The following FANCD2OS variants were observed in gnomAD, a reference collection of about 807,000 sequenced individuals.
FANCD2OS encodes FANCD2 opposite strand, also known as FANCD2 opposite strand protein.
In FANCD2OS, 11 loss-of-function variants were observed where a neutral mutation model predicts 13.2. That is an observed-to-expected ratio of 0.83 (90% CI 0.52 to 1.38). The LOEUF (loss-of-function observed/expected upper bound fraction) is 1.38. Among genes scored for constraint, FANCD2OS ranks in the 40% most tolerant of loss-of-function variants. The pLI is 0.00. For synonymous variants in FANCD2OS, 69 were observed against 84.5 expected, an observed-to-expected ratio of 0.82 and a Z score of 1.01; for missense variants, 217 against 213.9, an observed-to-expected ratio of 1.01 and a Z score of -0.09.
intron 2 of FANCD2OS, chr3:10,088,567 G>C: frequency 6.8e-7 from 1 of 1,462,448 alleles, no homozygotes; most frequent in Non-Finnish European, 9.6e-7. Context: ...TTCTTCCAAT[G>C]AGCCAAATAG....
intron 1 of FANCD2OS, among the ~76,000 whole-genome samples, chr3:10,105,541 A>G (rs1451938674): frequency 1.3e-5 from 2 of 151,488 alleles, no homozygotes; most frequent in African/African-American, 4.8e-5. Context: ...ACTTGAGGTC[A>G]GAGTTCCAGA....
At chr3:10,089,867 C>G (rs1694478634) in intron 2 of FANCD2OS, among the ~76,000 whole-genome samples, 1 of 152,182 alleles carries the variant, frequency 6.6e-6, no homozygotes, top group South Asian at 2.1e-4. Flanking sequence ...CATTTGTAGT[C>G]TTTTCAGTTT....
chr3:10,097,545 G>A (rs962930279), intron 2 of FANCD2OS, among the ~76,000 whole-genome samples: 5 of 152,324 alleles, frequency 3.3e-5, no homozygotes, highest in South Asian at 2.1e-4. Flanking sequence ...GCTCACCGGC[G>A]GTCAGAGTTT....
chr3:10,092,648 G>GCCT (rs1694712337), intron 2 of FANCD2OS, among the ~76,000 whole-genome samples: 1 of 143,142 alleles, frequency 7.0e-6, no homozygotes, highest in Admixed American at 7.0e-5. Flanking sequence ...TGTTCCCCCA[G>GCCT]CCTAGAATGT....
At chr3:10,107,882 C>T (rs981062732) in intron 1 of FANCD2OS, 133 bp downstream of exon 1, 2 of 152,280 alleles carry the variant, frequency 1.3e-5, no homozygotes, top group Non-Finnish European at 2.9e-5. Context: ...TCCAGAAGGG[C>T]TTGAACCTAC....
At position 10,087,191 on chromosome 3, in the gene FANCD2OS, T is replaced by C. The variant is rs762705166; in HGVS notation, c.*44-5660A>G. On this transcript the variant is annotated intron_variant, in intron 2 of 2. Coordinates refer to the FANCD2OS transcript ENST00000524279. ...AAAGCATTCCCAGTTTCCAGTGTGCTCTTTATCTCATCAGACTTTTGATGG... is the reference window on the plus strand; with the variant it reads ...AAAGCATTCCCAGTTTCCAGTGTGCCCTTTATCTCATCAGACTTTTGATGG... The C allele has an allele frequency of 1.2e-6, 2 of 1,613,924 alleles. No individual in the cohort carries two copies. Among genetic ancestry groups the C allele is most frequent in the Non-Finnish European group, 1.7e-6 (2 of 1,179,884 alleles).
At chr3:10,092,569 C>T (rs1053393322) in intron 2 of FANCD2OS, among the ~76,000 whole-genome samples, 1 of 151,978 alleles carries the variant, frequency 6.6e-6, no homozygotes, top group Non-Finnish European at 1.5e-5. Flanking sequence ...CCTCTTCTAA[C>T]CCTGAATGCC....
At chr3:10,099,226 C>A, downstream of FANCD2OS, 1 of 1,345,572 alleles carries the variant, frequency 7.4e-7, no homozygotes, top group African/African-American at 1.5e-5. Flanking sequence ...AAAGCCAAAG[C>A]ACAGAGTCAG....
At position 10,104,184 on chromosome 3, in the gene FANCD2OS, CT is replaced by C; in HGVS notation, c.*56del. The C allele has an allele frequency of 6.8e-7, 1 of 1,460,922 alleles. No homozygotes were observed. The highest frequency in any genetic ancestry group is 9.3e-7 in the Non-Finnish European group (1 of 1,080,670). 90.5% of individuals were successfully genotyped at this position (1,460,922 alleles called of 1,614,324 possible). On this transcript the variant is annotated 3_prime_UTR_variant, in exon 2 of 2. Coordinates refer to ENST00000450660, the MANE Select transcript of FANCD2OS (RefSeq NM_001164839.2). ...ATTTACATGGACAGGTTTCTGTAAG[CT>C]TTAGGTACATACCAAAGGGCATGGT...
rs781778258 is a variant in FANCD2OS at position 10,104,349 on chromosome 3, C to T, written c.426G>A (p.Glu142=). The change falls in exon 2 of 2, where the codon GAG becomes GAA. Residue 142 remains glutamate (E), a synonymous_variant. Coordinates refer to ENST00000450660, the MANE Select transcript of FANCD2OS (RefSeq NM_001164839.2). ...TAGTGACTGTCATCTGAATCTGAGG[C>T]TCCTTCAGTCCAATGGGCCACTGGT... ...REHQWPIGLK[E]PQIQMTVTMC... The T allele has an allele frequency of 3.1e-6, 5 of 1,614,070 alleles. No homozygotes were observed. The highest frequency in any genetic ancestry group is 3.3e-5 in the Admixed American group (2 of 60,000).
Position 10,096,280 on chromosome 3 carries a change from A to G in FANCD2OS, c.*43+7918T>C, listed in dbSNP as rs1445562696. ...AGGTTTCTATAAGAAATGTGAAGGC[A>G]TGATGATAAACTCACAAAAGATGGA... is the stretch of plus-strand genomic sequence containing the variant. On this transcript the variant is annotated intron_variant, in intron 2 of 2. Coordinates refer to the FANCD2OS transcript ENST00000524279. 4 of 1,602,974 alleles carry G rather than the reference A, an allele frequency of 2.5e-6. No individual in the cohort carries two copies. In the South Asian group the frequency reaches 3.3e-5, roughly 13 times the overall value.
At chr3:10,089,209 T>TG (rs1320879931) in intron 2 of FANCD2OS, among the ~76,000 whole-genome samples, 1 of 151,580 alleles carries the variant, frequency 6.6e-6, no homozygotes, top group Non-Finnish European at 1.5e-5. Flanking sequence ...TGCTTGAACC[T>TG]GGGAGGCGGA....
At chr3:10,089,041 G>A in intron 2 of FANCD2OS, 2 of 1,417,722 alleles carry the variant, frequency 1.4e-6, no homozygotes, top group Admixed American at 1.7e-5. Flanking sequence ...CCAGCACTTT[G>A]GGAGGCTGAG....
At position 10,096,415 on chromosome 3, in the gene FANCD2OS, T is replaced by C. The variant is rs1361560844; in HGVS notation, c.*43+7783A>G. On this transcript the variant is annotated intron_variant, in intron 2 of 2. Coordinates refer to the FANCD2OS transcript ENST00000524279. The stretch of plus-strand genomic sequence containing the variant: ...TTTGCAGAGTCAAAGCTATGCTCAC[T>C]CTCAACAATTGTAGAGAGGCTTTCT... 2 of 1,614,158 alleles carry C rather than the reference T, an allele frequency of 1.2e-6. No individual in the cohort carries two copies. Among genetic ancestry groups the C allele is most frequent in the South Asian group, 2.2e-5 (2 of 91,082 alleles).
intron 2 of FANCD2OS, among the ~76,000 whole-genome samples, chr3:10,089,296 AG>A (rs1195204419): frequency 3.3e-5 from 5 of 151,974 alleles, no homozygotes; most frequent in Admixed American, 3.3e-4. Context: ...AAAAAAAAAA[AG>A]AATCATAATC....
chr3:10,093,350 A>G (rs56402413), intron 2 of FANCD2OS: 1 of 1,582,230 alleles, frequency 6.3e-7, no homozygotes, highest in Non-Finnish European at 8.7e-7. Flanking sequence ...GCCCTGTTTC[A>G]TATTTATTCT....
At chr3:10,086,690 C>G (rs1010555000) in intron 2 of FANCD2OS, among the ~76,000 whole-genome samples, 1 of 152,114 alleles carries the variant, frequency 6.6e-6, no homozygotes, top group African/African-American at 2.4e-5. Context: ...TGTGGCCAGG[C>G]TGGTCTCTAA....
downstream of FANCD2OS, chr3:10,101,410 G>A (rs1695294110): frequency 5.0e-6 from 3 of 604,654 alleles, no homozygotes; most frequent in Admixed American, 5.8e-5. Context: ...TTTAAAGACG[G>A]GGACTCGCTG....
At chr3:10,097,529 C>T (rs569889859) in intron 2 of FANCD2OS, among the ~76,000 whole-genome samples, 5 of 152,306 alleles carry the variant, frequency 3.3e-5, no homozygotes, top group East Asian at 1.9e-4. Context: ...GGTTCTGTTC[C>T]GCCCGGCTCA....
Sources: gnomAD v4.1 joint callset for allele counts (sites outside exome capture counted in the v4.1 genomes callset) on GRCh38, gnomAD v4.1.1 for gene constraint, MANE v1.5 for transcripts, NCBI Gene and HGNC (gene_info 2026-07-23, HGNC 2026-07-21) for gene names.